The following RIN3 variants were observed in gnomAD, a reference collection of about 807,000 sequenced individuals.
The protein encoded by RIN3 is RAB5 interacting protein 3.
RIN3 carries 54 observed loss-of-function variants against 76.3 expected under a neutral mutation model. The observed-to-expected ratio is 0.71, with a 90% CI of 0.57 to 0.89. RIN3 has a LOEUF of 0.89. RIN3 is among the 40% of genes least tolerant of loss of function. The pLI is 0.00. For synonymous variants in RIN3, 576 were observed against 564.0 expected (o/e 1.02, Z -0.30); for missense variants, 1,256 against 1,322.1 (o/e 0.95, Z 0.78).
chr14:92,680,182 C>A (rs58928172), intron 8 of RIN3, among the ~76,000 whole-genome samples: 4,219 of 149,822 alleles, frequency 0.028, 176 homozygotes, highest in African/African-American at 0.085. Context: ...GCAGAAGGGA[C>A]AGGACAGCTC....
intron 3 of RIN3, among the ~76,000 whole-genome samples, chr14:92,602,937 G>C (rs1254150909): frequency 1.3e-5 from 2 of 152,208 alleles, no homozygotes; most frequent in Non-Finnish European, 2.9e-5. Flanking sequence ...CCTGTCCAGG[G>C]CTGCAACCTG....
intron 3 of RIN3, among the ~76,000 whole-genome samples, chr14:92,588,903 G>A (rs1884881536): frequency 6.6e-6 from 1 of 152,212 alleles, no homozygotes; most frequent in African/African-American, 2.4e-5. Context: ...TCTCGTATTG[G>A]TGTTATCACG....
chr14:92,654,622 A>G (rs574782016), intron 6 of RIN3, among the ~76,000 whole-genome samples: 1 of 152,176 alleles, frequency 6.6e-6, no homozygotes, highest in Non-Finnish European at 1.5e-5. Context: ...CCTGAAAACG[A>G]ATAGGTTTGC....
chr14:92,611,797 A>G (rs1291490571), intron 3 of RIN3, among the ~76,000 whole-genome samples: 2 of 152,198 alleles, frequency 1.3e-5, no homozygotes, highest in Non-Finnish European at 2.9e-5. Context: ...TTGCATTGCT[A>G]TAAAGAAAGA....
chr14:92,533,153 G>A (rs534959923), intron 1 of RIN3, among the ~76,000 whole-genome samples: 17 of 152,052 alleles, frequency 1.1e-4, no homozygotes, highest in African/African-American at 2.2e-4. Context: ...AATAACACAC[G>A]AATTCACATA....
At chr14:92,603,364 C>T (rs532096223) in intron 3 of RIN3, among the ~76,000 whole-genome samples, 1 of 152,226 alleles carries the variant, frequency 6.6e-6, no homozygotes, top group Non-Finnish European at 1.5e-5. Flanking sequence ...CCTTCAGCCC[C>T]CTGCCCAGGT....
intron 3 of RIN3, among the ~76,000 whole-genome samples, chr14:92,578,679 G>A (rs1595430989): frequency 6.6e-6 from 1 of 152,174 alleles, no homozygotes; most frequent in Non-Finnish European, 1.5e-5. Flanking sequence ...GGTCAGGGAT[G>A]GAATCACAGG....
At chr14:92,561,283 G>T (rs1016361767) in intron 2 of RIN3, among the ~76,000 whole-genome samples, 1 of 150,962 alleles carries the variant, frequency 6.6e-6, no homozygotes, top group South Asian at 2.1e-4. Flanking sequence ...TGTGTCTAGC[G>T]CTGGTGCTCA....
At chr14:92,622,139 G>T (rs1221693073) in intron 4 of RIN3, among the ~76,000 whole-genome samples, 1 of 152,168 alleles carries the variant, frequency 6.6e-6, no homozygotes, top group Non-Finnish European at 1.5e-5. Flanking sequence ...CAATATGGGG[G>T]CCAAGCAGCC....
rs1896369547 is a variant in RIN3, at chr14:92,514,064, C to G, written c.44+88C>G. 2.1e-6 allele frequency: 2 copies of G among 953,866 alleles called. No homozygotes were observed. The highest frequency in any genetic ancestry group is 6.6e-5 in the East Asian group (2 of 30,214). The allele number at this position is 953,866 out of a possible 1,614,324, so 59.1% of individuals were successfully genotyped here. A position where few individuals can be genotyped will look rare whatever the true frequency, so the allele number is the denominator to read the frequency against. On this transcript the variant is annotated intron_variant, in intron 1 of 9. Transcript: ENST00000216487. This position sits in a 1 kb window ranked among gnomAD's most constrained non-coding sequence, Gnocchi z 7.2. ...CACTCCACTTCTTGTCCCAGAGAGTCCTTCGGGCGCGTGACCTCGGGGTTG... is the reference window on the plus strand; with the variant it reads ...CACTCCACTTCTTGTCCCAGAGAGTGCTTCGGGCGCGTGACCTCGGGGTTG...
chr14:92,516,799 T>C (rs1896455450), intron 1 of RIN3, among the ~76,000 whole-genome samples: 1 of 152,174 alleles, frequency 6.6e-6, no homozygotes, highest in South Asian at 2.1e-4. Context: ...ATCTGTGATC[T>C]TCACTGAAGC....
intron 1 of RIN3, among the ~76,000 whole-genome samples, chr14:92,550,921 A>C (rs942083478): frequency 2.0e-5 from 3 of 152,216 alleles, no homozygotes; most frequent in Admixed American, 6.5e-5. Context: ...AGAAGACTTG[A>C]AAGAACTTTG....
In RIN3 at chr14:92,656,449, G is replaced by T. The variant is rs1465328028; in HGVS notation, c.2027-2712G>T. On this transcript the variant is annotated intron_variant, in intron 6 of 9. Coordinates refer to ENST00000216487, the MANE Select transcript of RIN3 (RefSeq NM_024832.5). The surrounding 1 kb of genome is among the most constrained non-coding windows in gnomAD (Gnocchi z 5.2). ...CAAGGCCAGTACCCGGTGGCCTTCA[G>T]CAGAGCAAAGGAGGTGGAGCACAAG... Among the ~76,000 whole-genome samples, 4 of 152,316 alleles carry T rather than the reference G, an allele frequency of 2.6e-5. No individual in the cohort carries two copies. The highest frequency in any genetic ancestry group is 2.9e-5 in the Non-Finnish European group (2 of 68,020).
intron 4 of RIN3, among the ~76,000 whole-genome samples, chr14:92,625,699 G>T (rs2140114409): frequency 6.6e-6 from 1 of 152,316 alleles, no homozygotes; most frequent in Admixed American, 6.5e-5. Context: ...TAGAGGGCCT[G>T]GTAGCTGAGG....
At chr14:92,673,371 T>C (rs767180705) in intron 7 of RIN3, among the ~76,000 whole-genome samples, 25 of 152,292 alleles carry the variant, frequency 1.6e-4, no homozygotes, top group Admixed American at 5.2e-4. Context: ...TGGAAATATA[T>C]TGTTGTTTCT....
intron 2 of RIN3, among the ~76,000 whole-genome samples, chr14:92,574,845 C>T (rs1445525134): frequency 6.6e-6 from 1 of 152,088 alleles, no homozygotes; most frequent in Non-Finnish European, 1.5e-5. Flanking sequence ...GGATCTTAAG[C>T]CTCAGGGCCA....
chr14:92,614,820 T>A (rs1019114871), intron 3 of RIN3, among the ~76,000 whole-genome samples: 21 of 143,176 alleles, frequency 1.5e-4, no homozygotes, highest in African/African-American at 2.6e-4. Context: ...TATATATATA[T>A]AAATTATCCA....
At chr14:92,604,026 T>A (rs2140091595) in intron 3 of RIN3, among the ~76,000 whole-genome samples, 1 of 152,368 alleles carries the variant, frequency 6.6e-6, no homozygotes, top group African/African-American at 2.4e-5. Context: ...GTGGTTCCCA[T>A]GGCAACTGCG....
intron 2 of RIN3, chr14:92,576,477 C>A: frequency 8.5e-7 from 1 of 1,173,016 alleles, no homozygotes; most frequent in Non-Finnish European, 1.1e-6. Context: ...GCAAGTCTTC[C>A]TGCTCAGGAC....
Sources: gnomAD v4.1 joint callset for allele counts (sites outside exome capture counted in the v4.1 genomes callset) on GRCh38, gnomAD v4.1.1 for gene constraint, Gnocchi (gnomAD v3.1) non-coding constraint, MANE v1.5 for transcripts, NCBI Gene and HGNC (gene_info 2026-07-23, HGNC 2026-07-21) for gene names.